USP35: variants seen among roughly 807,000 people sequenced by gnomAD.
The protein encoded by USP35 is ubiquitin carboxyl-terminal hydrolase 35.
A neutral mutation model predicts 83.8 loss-of-function variants in USP35; 69 were observed. The ratio of observed to expected loss-of-function variants is 0.82; its 90% CI spans 0.68 to 1.01. USP35 has a LOEUF of 1.01. USP35 is among the 50% of genes least tolerant of loss of function. The pLI, the probability that USP35 is intolerant of heterozygous loss-of-function variation, is 0.00. For synonymous variants in USP35, 714 were observed against 589.5 expected (o/e 1.21, Z -3.06); for missense variants, 1,503 against 1,362.5 (o/e 1.10, Z -1.62).
intron 9 of USP35, 40 bp from the exon 10 acceptor site, chr11:78,209,408 C>G (rs773229080): frequency 6.6e-7 from 1 of 1,522,636 alleles, no homozygotes; most frequent in South Asian, 1.3e-5. Context: ...CGGAAGGGGA[C>G]CCGCATGTAC....
At position 78,210,827 on chromosome 11, in the gene USP35, C is replaced by T. The variant is rs145891474; in HGVS notation, c.2889+83C>T. ...CTACTGGCTTAGATAAGTCATTTCC[C>T]CTCTAAGTCTTTTTTGTAAATCCCA... On this transcript the variant is annotated intron_variant, in intron 10 of 10. Coordinates refer to ENST00000529308, the MANE Select transcript of USP35 (RefSeq NM_020798.4). 319 of 1,381,306 alleles carry T rather than the reference C, an allele frequency of 2.3e-4. 2 individuals are homozygous for T. The East Asian group carries it at 7.5e-3, about 32-fold the overall frequency. 85.6% of individuals were successfully genotyped at this position (1,381,306 alleles called of 1,614,324 possible). A position where few individuals can be genotyped will look rare whatever the true frequency, so the allele number is the denominator to read the frequency against.
Position 78,205,874 on chromosome 11 carries a change from G to A in USP35, c.1230G>A (p.Lys410=), listed in dbSNP as rs1183866073. ...DLHVPNEDRI[K]QLLGQDAWTS... is the part of the protein sequence containing the mutation. Reference sequence around the variant, plus strand: ...ATGTTCCCAATGAGGACCGCATCAAGCAGCTGCTGGGGCAGGATGCCTGGA... The same window carrying A: ...ATGTTCCCAATGAGGACCGCATCAAACAGCTGCTGGGGCAGGATGCCTGGA... Residue 410 remains lysine, a synonymous_variant, in exon 7 of 11, where the codon AAG becomes AAA. Coordinates refer to ENST00000529308, the MANE Select transcript of USP35 (RefSeq NM_020798.4). 9.3e-6 allele frequency: 15 copies of A among 1,614,042 alleles called. No individual in the cohort carries two copies. The highest frequency in any genetic ancestry group is 1.3e-5 in the Non-Finnish European group (15 of 1,179,978).
intron 10 of USP35, among the ~76,000 whole-genome samples, chr11:78,213,419 C>T (rs1325633210): frequency 1.3e-5 from 2 of 152,136 alleles, no homozygotes; most frequent in African/African-American, 2.4e-5. Flanking sequence ...CAGTCACACC[C>T]TAGTATCAGC....
intron 1 of USP35, among the ~76,000 whole-genome samples, chr11:78,191,339 G>A (rs1030177809): frequency 5.9e-5 from 9 of 152,244 alleles, no homozygotes; most frequent in South Asian, 2.1e-4. Flanking sequence ...TGCTCACTGC[G>A]TGCCTTGGAG....
rs1590917543 is a variant in USP35 at position 78,210,642 on chromosome 11, G to T, written c.2787G>T (p.Glu929Asp). The part of the protein sequence containing the change: ...YVLFYRQRPR[E>D]GPEAELGSSR... ...TGTTTTACCGGCAGCGGCCCAGGGAGGGGCCCGAGGCTGAGTTGGGCTCTT... is the reference window on the plus strand; with the variant it reads ...TGTTTTACCGGCAGCGGCCCAGGGATGGGCCCGAGGCTGAGTTGGGCTCTT... The change falls in exon 10 of 11, where the codon GAG becomes GAT. Residue 929 changes from glutamate (E) to aspartate (D), a missense_variant. Glu to Asp is a conservative substitution (Grantham distance 45). Coordinates refer to ENST00000529308, the MANE Select transcript of USP35 (RefSeq NM_020798.4). 6.2e-7 allele frequency: 1 copy of T among 1,614,092 alleles called. No homozygotes were observed. Among genetic ancestry groups the T allele is most frequent in the South Asian group, 1.1e-5 (1 of 91,050 alleles).
At position 78,196,946 on chromosome 11, in the gene USP35, G is replaced by C. The variant is rs766135858; in HGVS notation, c.673+28G>C. ...GCGTGTGCGGCCGGGGCAGGAGCGCGGGCATGCGGAGGTCCTGGGTGGGCG... is the reference window on the plus strand; with the variant it reads ...GCGTGTGCGGCCGGGGCAGGAGCGCCGGCATGCGGAGGTCCTGGGTGGGCG... On this transcript the variant is annotated intron_variant, in intron 2 of 10. Transcript: ENST00000529308. This position sits in a 1 kb window ranked among gnomAD's most constrained non-coding sequence, Gnocchi z 4.8. 10 of 1,430,566 alleles carry C rather than the reference G, an allele frequency of 7.0e-6. No individual in the cohort carries two copies. The highest frequency in any genetic ancestry group is 9.1e-6 in the Non-Finnish European group (10 of 1,096,232). The allele number at this position is 1,430,566 out of a possible 1,614,324, so 88.6% of individuals were successfully genotyped here.
chr11:78,223,901 C>T, the USP35 span, among the ~76,000 whole-genome samples: 2,389 of 152,006 alleles, frequency 0.016, 65 homozygotes, highest in African/African-American at 0.055. Context: ...GCCAACATGG[C>T]AAAACCTCCT....
chr11:78,214,042 C>A lies in USP35; in HGVS notation c.*229C>A. 2.2e-6 allele frequency: 1 copy of A among 444,748 alleles called. No individual in the cohort carries two copies. Among genetic ancestry groups the A allele is most frequent in the Non-Finnish European group, 3.8e-6 (1 of 263,350 alleles). 27.6% of individuals were successfully genotyped at this position (444,748 alleles called of 1,614,324 possible). A position where few individuals can be genotyped will look rare whatever the true frequency, so the allele number is the denominator to read the frequency against. On this transcript the variant is annotated 3_prime_UTR_variant, in exon 11 of 11. Transcript: ENST00000529308. ...CTTTACACCCAAGTGTCCTGGTTAA[C>A]TTGAAGCAGCCGAGATGGGCACACA...
At position 78,210,079 on chromosome 11, in the gene USP35, C is replaced by T. The variant is rs939987483; in HGVS notation, c.2224C>T (p.Pro742Ser). 3 of 1,613,890 alleles carry T rather than the reference C, an allele frequency of 1.9e-6. No homozygotes were observed. Among genetic ancestry groups the T allele is most frequent in the African/African-American group, 2.7e-5 (2 of 74,920 alleles). The change falls in exon 10 of 11, where the codon CCG becomes TCG. Residue 742 changes from proline (P) to serine (S), a missense_variant. By Grantham distance (74) the Pro-to-Ser change is moderately conservative. Coordinates refer to ENST00000529308, the MANE Select transcript of USP35 (RefSeq NM_020798.4). Reference sequence around the variant, plus strand: ...AGACAGCCTGGGAGCGGGGACCCACCCGGATGCTGCCATCCCCTCCGGGGA... The same window carrying T: ...AGACAGCCTGGGAGCGGGGACCCACTCGGATGCTGCCATCCCCTCCGGGGA... ...EEDSLGAGTH[P>S]DAAIPSGERT... is the part of the protein sequence containing the mutation.
Position 78,196,708 on chromosome 11 carries a change from G to A in USP35, c.463G>A (p.Val155Met), listed in dbSNP as rs778430541. The change falls in exon 2 of 11, where the codon GTG becomes ATG. Residue 155 changes from valine (V) to methionine (M), a missense_variant. Physicochemically the swap from Val to Met is conservative, Grantham distance 21 (BLOSUM62 1). Transcript: ENST00000529308. The surrounding 1 kb of genome is among the most constrained non-coding windows in gnomAD (Gnocchi z 4.8). ...ARLLARHPRC[V>M]PDGPHRLLFC... is the part of the protein sequence containing the mutation. ...GCTGCTGGCTCGCCACCCGCGCTGT[G>A]TGCCCGACGGACCCCACCGCCTGCT... is the stretch of plus-strand genomic sequence containing the variant. 6.5e-7 allele frequency: 1 copy of A among 1,528,716 alleles called. No individual in the cohort carries two copies. The highest frequency in any genetic ancestry group is 1.2e-5 in the South Asian group (1 of 83,274). The allele number at this position is 1,528,716 out of a possible 1,614,324, so 94.7% of individuals were successfully genotyped here. A position where few individuals can be genotyped will look rare whatever the true frequency, so the allele number is the denominator to read the frequency against.
At chr11:78,197,561 G>A (rs189293270) in intron 2 of USP35, among the ~76,000 whole-genome samples, 1 of 152,304 alleles carries the variant, frequency 6.6e-6, no homozygotes, top group African/African-American at 2.4e-5. Context: ...AACAGACTTC[G>A]AGAAGGAAAT....
rs747331109 is a variant in USP35 at position 78,213,864 on chromosome 11, C to T, written c.*51C>T. ...CTTCCCTCCAGGAGCCAGGTAGGGC[C>T]TGAGGGAAGCTGTGGAGGCAGGCCC... is the stretch of plus-strand genomic sequence containing the variant. On this transcript the variant is annotated 3_prime_UTR_variant, in exon 11 of 11. Transcript: ENST00000529308. 3.3e-6 allele frequency: 5 copies of T among 1,523,072 alleles called. No homozygotes were observed. The highest frequency in any genetic ancestry group is 4.4e-6 in the Non-Finnish European group (5 of 1,147,240). 94.3% of individuals were successfully genotyped at this position (1,523,072 alleles called of 1,614,324 possible).
intron 2 of USP35, among the ~76,000 whole-genome samples, chr11:78,197,125 G>A (rs1170592039): frequency 6.6e-6 from 1 of 152,070 alleles, no homozygotes; most frequent in Non-Finnish European, 1.5e-5. Context: ...CTCTCCTGCA[G>A]TGGGTGTTGG....
At chr11:78,226,473 A>G in the USP35 span, 1 of 1,612,796 alleles carries the variant, frequency 6.2e-7, no homozygotes, top group East Asian at 2.2e-5. Flanking sequence ...ACCTCGGTGA[A>G]GTCGGCTGTT....
At chr11:78,215,438 A>ATATGTTACAATTT (rs1491252918), downstream of USP35, 1 of 152,640 alleles carries the variant, frequency 6.6e-6, no homozygotes, top group Non-Finnish European at 1.5e-5. Flanking sequence ...CACCGGATAA[A>ATATGTTACAATTT]TATGTTACAA....
At chr11:78,194,898 C>G (rs141878935) in intron 1 of USP35, among the ~76,000 whole-genome samples, 22 of 152,198 alleles carry the variant, frequency 1.4e-4, no homozygotes, top group African/African-American at 4.6e-4. Flanking sequence ...ACAAGTGCTA[C>G]CAAGGAGAAG....
rs937426843 is a variant in USP35, at chr11:78,210,059, G to A, written c.2204G>A (p.Ser735Asn). Residue 735 changes from serine to asparagine, a missense_variant, in exon 10 of 11, where the codon AGC becomes AAC. Physicochemically the swap from Ser to Asn is conservative, Grantham distance 46. Transcript: ENST00000529308. ...GCTGAGCAGGAAAAGGAAGAAGACA[G>A]CCTGGGAGCGGGGACCCACCCGGAT... is the stretch of plus-strand genomic sequence containing the variant. ...KEAEQEKEED[S>N]LGAGTHPDAA... is the part of the protein sequence containing the mutation. The A allele has an allele frequency of 6.2e-7, 1 of 1,613,782 alleles. No homozygotes were observed. The highest frequency in any genetic ancestry group is 8.5e-7 in the Non-Finnish European group (1 of 1,179,912).
At position 78,215,088 on chromosome 11, in the gene USP35, T is replaced by G. The variant is rs1334287974; in HGVS notation, c.*1275T>G. Among the ~76,000 whole-genome samples, 2 of 152,188 alleles carry G rather than the reference T, an allele frequency of 1.3e-5. No homozygotes were observed. The highest frequency in any genetic ancestry group is 4.8e-5 in the African/African-American group (2 of 41,502). On this transcript the variant is annotated 3_prime_UTR_variant, in exon 11 of 11. Coordinates refer to ENST00000529308, the MANE Select transcript of USP35 (RefSeq NM_020798.4). ...AGCAGACAGACACGCCCAGAACCCA[T>G]CTCTAGACGCCTAAGAAAGCTGGAT... is the stretch of plus-strand genomic sequence containing the variant.
chr11:78,231,099 C>T, the USP35 span, among the ~76,000 whole-genome samples: 1 of 152,198 alleles, frequency 6.6e-6, no homozygotes, highest in African/African-American at 2.4e-5. Context: ...ACACCTCTTA[C>T]TTTCACATTA....
Sources: gnomAD v4.1 joint callset for allele counts (sites outside exome capture counted in the v4.1 genomes callset) on GRCh38, gnomAD v4.1.1 for gene constraint, Gnocchi (gnomAD v3.1) non-coding constraint, MANE v1.5 for transcripts, NCBI Gene and HGNC (gene_info 2026-07-23, HGNC 2026-07-21) for gene names.